The following SLC16A12 variants were observed in gnomAD, a reference collection of about 807,000 sequenced individuals.
The protein encoded by SLC16A12 is monocarboxylate transporter 12.
A neutral mutation model predicts 42.4 loss-of-function variants in SLC16A12; 17 were observed. That is an observed-to-expected ratio of 0.40 (90% CI 0.27 to 0.60). The LOEUF is 0.60. Ranked by LOEUF, SLC16A12 falls within the 20% of genes least tolerant of loss-of-function variation. The pLI, the probability that SLC16A12 is intolerant of heterozygous loss-of-function variation, is 0.42. For missense variants in SLC16A12, 544 were observed against 623.0 expected (o/e 0.87, Z 1.35); for synonymous variants, 224 against 229.4 (o/e 0.98, Z 0.21).
At chr10:89,490,640 T>C (rs1842832165) in intron 2 of SLC16A12, among the ~76,000 whole-genome samples, 1 of 152,224 alleles carries the variant, frequency 6.6e-6, no homozygotes. Flanking sequence ...AGAGCTTCTA[T>C]GCATCCCACC....
intron 2 of SLC16A12, among the ~76,000 whole-genome samples, chr10:89,548,682 G>A (rs1843754364): frequency 6.6e-6 from 1 of 152,124 alleles, no homozygotes; most frequent in Non-Finnish European, 1.5e-5. Flanking sequence ...CGGGTGCAGT[G>A]CCAGCCATCT....
intron 2 of SLC16A12, among the ~76,000 whole-genome samples, chr10:89,477,117 G>A (rs1344906608): frequency 3.9e-5 from 6 of 152,198 alleles, no homozygotes; most frequent in Non-Finnish European, 8.8e-5. Context: ...ACGGATGGTC[G>A]TTTTTGTTCC....
chr10:89,484,457 A>G (rs1270884740), intron 2 of SLC16A12, among the ~76,000 whole-genome samples: 1 of 152,224 alleles, frequency 6.6e-6, no homozygotes, highest in Non-Finnish European at 1.5e-5. Flanking sequence ...AGTTGTGGGT[A>G]CGTAGTAAAT....
chr10:89,461,176 A>G (rs1447321729), intron 3 of SLC16A12, among the ~76,000 whole-genome samples: 1 of 152,212 alleles, frequency 6.6e-6, no homozygotes, highest in Non-Finnish European at 1.5e-5. Context: ...GAGATGGATG[A>G]GTCTTAATGT....
At chr10:89,549,263 A>G (rs2133889464) in intron 2 of SLC16A12, among the ~76,000 whole-genome samples, 1 of 152,372 alleles carries the variant, frequency 6.6e-6, no homozygotes, top group East Asian at 1.9e-4. Flanking sequence ...CACATAAGGC[A>G]TCCAGATAAA....
At chr10:89,515,706 G>A (rs1843239787) in intron 2 of SLC16A12, among the ~76,000 whole-genome samples, 1 of 152,132 alleles carries the variant, frequency 6.6e-6, no homozygotes, top group Admixed American at 6.6e-5. Context: ...AAGAAAACCA[G>A]GCTTGCAAGA....
At chr10:89,517,778 C>G (rs1415200132) in intron 2 of SLC16A12, among the ~76,000 whole-genome samples, 1 of 152,108 alleles carries the variant, frequency 6.6e-6, no homozygotes, top group Non-Finnish European at 1.5e-5. Flanking sequence ...AGGAGGTAGC[C>G]ACTATCTCAA....
Position 89,438,676 on chromosome 10 carries a change from G to C in SLC16A12, c.956C>G (p.Ala319Gly), listed in dbSNP as rs773018862. ...LSVGVSHQQAAFLMSILGVID... is the reference protein window; with the variant it reads ...LSVGVSHQQAGFLMSILGVID... ...CACTCCAAGTATGGACATAAGAAAAGCAGCTTGCTGATGACTCACTCCAAC... is the reference window on the plus strand; with the variant it reads ...CACTCCAAGTATGGACATAAGAAAACCAGCTTGCTGATGACTCACTCCAAC... The change falls in exon 6 of 8, where the codon GCT (alanine) becomes GGT (glycine). Residue 319 changes from alanine (A) to glycine (G), a missense_variant. Ala to Gly is a moderately conservative substitution (Grantham distance 60). Transcript: ENST00000371790. 6.2e-7 allele frequency: 1 copy of C among 1,614,014 alleles called. No individual in the cohort carries two copies. The highest frequency in any genetic ancestry group is 2.2e-5 in the East Asian group (1 of 44,876).
chr10:89,517,598 A>G (rs574904799), intron 2 of SLC16A12, among the ~76,000 whole-genome samples: 2 of 152,226 alleles, frequency 1.3e-5, no homozygotes, highest in Admixed American at 6.5e-5. Context: ...AGCATGAGCC[A>G]TTGCACCTGG....
Position 89,459,540 on chromosome 10 carries a change from G to GTGTGTGTGTGTGTGTGTA in SLC16A12, c.200+2838_200+2839insTACACACACACACACACA, listed in dbSNP as rs1471215564. ...TATGTGTGTGTGTGTGTGTGTGTAT[G>GTGTGTGTGTGTGTGTGTA]TGTGTGTGTGTTTCAAGAGTCAATG... On this transcript the variant is annotated intron_variant, in intron 3 of 7. Transcript: ENST00000371790. Among the ~76,000 whole-genome samples the GTGTGTGTGTGTGTGTGTA allele has an allele frequency of 6.0e-3, 905 of 150,106 alleles. 4 individuals carry two copies. The highest frequency in any genetic ancestry group is 9.3e-3 in the Non-Finnish European group (634 of 67,832).
chr10:89,430,467 GC>G lies in SLC16A12; in HGVS notation c.*2596del, dbSNP rs1841678161. On this transcript the variant is annotated 3_prime_UTR_variant, in exon 8 of 8. Coordinates refer to ENST00000371790, the MANE Select transcript of SLC16A12 (RefSeq NM_213606.4). ...TCTACTCAGATAATTCCAAAGTAGA[GC>G]TTACAGTAGTAGAAAGAAATATTTA... The G allele has an allele frequency of 2.7e-6, 1 of 374,968 alleles. No homozygotes were observed. Among genetic ancestry groups the G allele is most frequent in the African/African-American group, 2.2e-5 (1 of 44,856 alleles). The allele number at this position is 374,968 out of a possible 1,614,324, so 23.2% of individuals were successfully genotyped here.
intron 6 of SLC16A12, among the ~76,000 whole-genome samples, chr10:89,436,637 C>T (rs1199155555): frequency 2.0e-5 from 3 of 152,014 alleles, no homozygotes; most frequent in Non-Finnish European, 4.4e-5. Flanking sequence ...CACAGGGTTA[C>T]TCTGAAATTA....
At chr10:89,444,953 G>A (rs1436766862) in intron 3 of SLC16A12, among the ~76,000 whole-genome samples, 1 of 152,248 alleles carries the variant, frequency 6.6e-6, no homozygotes, top group African/African-American at 2.4e-5. Flanking sequence ...TTTATCCTGT[G>A]CCTAGCTCAG....
chr10:89,525,682 A>C lies in SLC16A12; in HGVS notation c.-47+8819T>G, dbSNP rs545435291. ...TGTTTTTGAATTTTTTAATTAAGTT[A>C]GTAGCTGTTGCCAGGTGTTCCTCAT... On this transcript the variant is annotated intron_variant, in intron 2 of 7. Transcript: ENST00000371790. 1.4e-4 allele frequency among the ~76,000 whole-genome samples: 22 copies of C among 152,322 alleles called. 1 individual carries two copies. In the South Asian group the frequency reaches 4.3e-3, roughly 30 times the overall value.
At chr10:89,441,025 A>G in intron 5 of SLC16A12, 83 bp downstream of exon 5, 1 of 1,553,002 alleles carries the variant, frequency 6.4e-7, no homozygotes, top group South Asian at 1.1e-5. Flanking sequence ...CAAAATGAAT[A>G]TTTTATGAAT....
intron 2 of SLC16A12, among the ~76,000 whole-genome samples, chr10:89,514,860 G>A (rs1387627008): frequency 6.6e-6 from 1 of 152,316 alleles, no homozygotes; most frequent in Non-Finnish European, 1.5e-5. Context: ...GGAGGCCAAG[G>A]CAGGGGGATC....
intron 2 of SLC16A12, among the ~76,000 whole-genome samples, chr10:89,544,117 A>G (rs1381737025): frequency 6.6e-6 from 1 of 152,204 alleles, no homozygotes; most frequent in Non-Finnish European, 1.5e-5. Context: ...TGAAGCATCT[A>G]CTATGAACAA....
At chr10:89,493,575 G>T (rs938963494) in intron 2 of SLC16A12, among the ~76,000 whole-genome samples, 1 of 152,038 alleles carries the variant, frequency 6.6e-6, no homozygotes, top group African/African-American at 2.4e-5. Flanking sequence ...TGTTATTCTT[G>T]TCTTATAAAT....
intron 2 of SLC16A12, among the ~76,000 whole-genome samples, chr10:89,533,242 T>C (rs1023140421): frequency 6.6e-6 from 1 of 152,098 alleles, no homozygotes; most frequent in African/African-American, 2.4e-5. Flanking sequence ...ATCACTTATG[T>C]TTATTTTCCT....
Sources: gnomAD v4.1 joint callset for allele counts (sites outside exome capture counted in the v4.1 genomes callset) on GRCh38, gnomAD v4.1.1 for gene constraint, MANE v1.5 for transcripts, NCBI Gene and HGNC (gene_info 2026-07-23, HGNC 2026-07-21) for gene names.